The following NRXN1 variants were observed in gnomAD, a reference collection of about 807,000 sequenced individuals.
NRXN1 encodes neurexin-1.
Under a neutral mutation model 150.9 loss-of-function variants are expected in NRXN1, and 39 were observed. The observed-to-expected ratio is 0.26, with a 90% CI of 0.20 to 0.34. NRXN1 has a LOEUF of 0.34. NRXN1 is among the 10% of genes least tolerant of loss of function. NRXN1 has a pLI of 1.00. For missense variants in NRXN1, 1,815 were observed against 1,949.9 expected (o/e 0.93, Z 1.30); for synonymous variants, 924 against 757.0 (o/e 1.22, Z -3.62).
chr2:50,480,977 T>C (rs1226241102), intron 15 of NRXN1, among the ~76,000 whole-genome samples: 1 of 152,216 alleles, frequency 6.6e-6, no homozygotes, highest in Non-Finnish European at 1.5e-5. Flanking sequence ...TATCCTTAAC[T>C]TGACCAAGCA....
At chr2:50,079,705 T>C (rs1033685032) in intron 19 of NRXN1, among the ~76,000 whole-genome samples, 12 of 152,102 alleles carry the variant, frequency 7.9e-5, no homozygotes, top group Non-Finnish European at 1.5e-4. Flanking sequence ...CTATTGAGTT[T>C]AAAATACTAA....
At chr2:50,206,052 T>G (rs921584551) in intron 18 of NRXN1, among the ~76,000 whole-genome samples, 1 of 152,022 alleles carries the variant, frequency 6.6e-6, no homozygotes, top group African/African-American at 2.4e-5. Context: ...ACACATTGAG[T>G]AAATCACATT....
chr2:50,577,800 G>C (rs557214051), intron 8 of NRXN1, among the ~76,000 whole-genome samples: 1 of 152,062 alleles, frequency 6.6e-6, no homozygotes, highest in African/African-American at 2.4e-5. Flanking sequence ...ATCCAGAATA[G>C]TGATATATGT....
intron 17 of NRXN1, among the ~76,000 whole-genome samples, chr2:50,320,956 G>C (rs1159394222): frequency 6.6e-6 from 1 of 152,164 alleles, no homozygotes; most frequent in East Asian, 1.9e-4. Context: ...CAGCCTGAAA[G>C]TTGTGTAGGA....
At chr2:50,079,682 G>T (rs1697649640) in intron 19 of NRXN1, among the ~76,000 whole-genome samples, 1 of 151,946 alleles carries the variant, frequency 6.6e-6, no homozygotes, top group Admixed American at 6.6e-5. Flanking sequence ...AAACAAAATG[G>T]ATTATCAGTA....
chr2:50,826,565 C>T (rs1246843273), intron 5 of NRXN1, among the ~76,000 whole-genome samples: 2 of 151,890 alleles, frequency 1.3e-5, no homozygotes, highest in Non-Finnish European at 2.9e-5. Flanking sequence ...TTGGAAGTGA[C>T]CCTAAGTAAT....
At chr2:50,030,487 C>T (rs1689028564) in intron 21 of NRXN1, among the ~76,000 whole-genome samples, 1 of 152,060 alleles carries the variant, frequency 6.6e-6, no homozygotes. Context: ...TTACTTTCTC[C>T]TCCTGTAAGG....
At chr2:51,030,535 A>AACACACAC (rs57434663) in intron 1 of NRXN1, among the ~76,000 whole-genome samples, 39 of 145,348 alleles carry the variant, frequency 2.7e-4, no homozygotes, top group African/African-American at 8.2e-4. Context: ...TCTCTCTTTC[A>AACACACAC]ACACACACAC....
intron 5 of NRXN1, among the ~76,000 whole-genome samples, chr2:50,785,243 C>CTTTTT (rs35158893): frequency 2.2e-4 from 23 of 106,094 alleles, no homozygotes; most frequent in Non-Finnish European, 3.3e-4. Context: ...AGAAAATACA[C>CTTTTT]TTTTTTTTTT....
intron 17 of NRXN1, among the ~76,000 whole-genome samples, chr2:50,251,020 A>G (rs1040810048): frequency 8.2e-6 from 1 of 122,652 alleles, no homozygotes; most frequent in African/African-American, 3.2e-5. Flanking sequence ...GTAATATTAC[A>G]TATTGTATAT....
chr2:50,823,069 A>G (rs1559313109), intron 5 of NRXN1, among the ~76,000 whole-genome samples: 1 of 152,178 alleles, frequency 6.6e-6, no homozygotes, highest in Admixed American at 6.5e-5. Flanking sequence ...CACCCTGGAG[A>G]CCTGGGCACC....
chr2:50,166,276 CGTATGT>C (rs1364001348), intron 18 of NRXN1, among the ~76,000 whole-genome samples: 1 of 119,184 alleles, frequency 8.4e-6, no homozygotes, highest in African/African-American at 3.2e-5. Context: ...GAGTACTCAA[CGTATGT>C]GTGTGTGTGT....
chr2:51,001,251 T>G (rs1700037555), intron 2 of NRXN1, among the ~76,000 whole-genome samples: 1 of 140,898 alleles, frequency 7.1e-6, no homozygotes, highest in Non-Finnish European at 1.5e-5. Context: ...GGGGGGCGTT[T>G]GTCAGGGGAG....
intron 5 of NRXN1, among the ~76,000 whole-genome samples, chr2:50,738,244 T>C (rs1484613212): frequency 1.3e-5 from 2 of 152,192 alleles, no homozygotes; most frequent in African/African-American, 4.8e-5. Flanking sequence ...ACTGGGCAAA[T>C]TTTCTCATTA....
chr2:50,127,974 C>T (rs1351312364), intron 18 of NRXN1, among the ~76,000 whole-genome samples: 1 of 152,146 alleles, frequency 6.6e-6, no homozygotes, highest in Admixed American at 6.5e-5. Flanking sequence ...TGATTTTACT[C>T]CCCAGTTACT....
chr2:50,136,501 TG>T (rs771480085), intron 18 of NRXN1, among the ~76,000 whole-genome samples: 2 of 152,200 alleles, frequency 1.3e-5, no homozygotes, highest in Non-Finnish European at 2.9e-5. Flanking sequence ...TATCACAGCT[TG>T]TAATATCTCA....
At chr2:50,453,377 C>A (rs903404135) in intron 17 of NRXN1, among the ~76,000 whole-genome samples, 4 of 152,156 alleles carry the variant, frequency 2.6e-5, no homozygotes, top group African/African-American at 9.7e-5. Context: ...AATGACTAAT[C>A]TAGTCAAACT....
chr2:50,639,485 T>C (rs1159647983), intron 5 of NRXN1, among the ~76,000 whole-genome samples: 1 of 151,958 alleles, frequency 6.6e-6, no homozygotes, highest in African/African-American at 2.4e-5. Flanking sequence ...CCTCCCAAAG[T>C]GCTAAGATTA....
At chr2:50,023,016 T>C (rs1052477086) in intron 21 of NRXN1, 4 of 152,212 alleles carry the variant, frequency 2.6e-5, no homozygotes, top group African/African-American at 9.6e-5. Flanking sequence ...CAAGGGAGTA[T>C]GTGTCCTTCC....
Sources: gnomAD v4.1 joint callset for allele counts (sites outside exome capture counted in the v4.1 genomes callset) on GRCh38, gnomAD v4.1.1 for gene constraint, MANE v1.5 for transcripts, NCBI Gene and HGNC (gene_info 2026-07-23, HGNC 2026-07-21) for gene names.